EML4: variants seen among roughly 807,000 people sequenced by gnomAD.
EML4 encodes the protein echinoderm microtubule-associated protein-like 4.
Under a neutral mutation model 129.0 loss-of-function variants are expected in EML4, and 72 were observed. The ratio of observed to expected loss-of-function variants is 0.56; its 90% CI spans 0.46 to 0.68. The LOEUF (loss-of-function observed/expected upper bound fraction) is 0.68. Among genes scored for constraint, EML4 ranks in the 30% least tolerant of loss-of-function variants. EML4 has a pLI of 0.00. For missense variants in EML4, 1,363 were observed against 1,190.6 expected (o/e 1.14, Z -2.13); for synonymous variants, 532 against 405.0 (o/e 1.31, Z -3.77).
At chr2:42,320,968 A>T (rs1669485236) in intron 19 of EML4, among the ~76,000 whole-genome samples, 1 of 152,114 alleles carries the variant, frequency 6.6e-6, no homozygotes, top group African/African-American at 2.4e-5. Flanking sequence ...CATCAAAAAG[A>T]GGGGGAAAAA....
chr2:42,297,909 C>T (rs1360735312), intron 13 of EML4, among the ~76,000 whole-genome samples: 1 of 151,952 alleles, frequency 6.6e-6, no homozygotes, highest in African/African-American at 2.4e-5. Context: ...TTCTTGTTTC[C>T]AAACCATTTC....
intron 6 of EML4, among the ~76,000 whole-genome samples, chr2:42,272,589 G>A (rs1247821579): frequency 6.6e-6 from 1 of 152,100 alleles, no homozygotes; most frequent in Admixed American, 6.6e-5. Context: ...GGCCTGGACA[G>A]CACAGATTTC....
chr2:42,207,166 ACCT>A (rs979252195), intron 1 of EML4, among the ~76,000 whole-genome samples: 6 of 152,110 alleles, frequency 3.9e-5, no homozygotes, highest in African/African-American at 1.4e-4. Context: ...GATGTATAAC[ACCT>A]CCTCTATTTG....
At chr2:42,237,940 A>G (rs368524418) in intron 1 of EML4, among the ~76,000 whole-genome samples, 3 of 152,216 alleles carry the variant, frequency 2.0e-5, no homozygotes, top group Non-Finnish European at 2.9e-5. Flanking sequence ...TTGGTAGCAT[A>G]TAAGTTCAGA....
chr2:42,184,186 C>T (rs531895051), intron 1 of EML4, among the ~76,000 whole-genome samples: 23 of 152,174 alleles, frequency 1.5e-4, no homozygotes, highest in African/African-American at 5.3e-4. Flanking sequence ...TCTTACTTAA[C>T]CTGTATATGG....
chr2:42,269,163 C>T (rs114686095), intron 6 of EML4, among the ~76,000 whole-genome samples: 26 of 152,236 alleles, frequency 1.7e-4, no homozygotes, highest in South Asian at 1.5e-3. Flanking sequence ...CCAAAAATGG[C>T]TTCAGATTAA....
In EML4 at chr2:42,330,622, T is replaced by A; in HGVS notation, c.*415T>A. 2 of 219,598 alleles carry A rather than the reference T, an allele frequency of 9.1e-6. No homozygotes were observed. Among genetic ancestry groups the A allele is most frequent in the Non-Finnish European group, 1.8e-5 (2 of 108,206 alleles). The allele number at this position is 219,598 out of a possible 1,614,324, so 13.6% of individuals were successfully genotyped here. The stretch of plus-strand genomic sequence containing the variant: ...TCTACTGGCTCAGACTGTACTACTT[T>A]TTTTTTTTTTTTTCCTGAAAAAGAA... On this transcript the variant is annotated 3_prime_UTR_variant, in exon 23 of 23. Transcript: ENST00000318522.
At chr2:42,178,828 A>G (rs1670768079) in intron 1 of EML4, among the ~76,000 whole-genome samples, 1 of 152,196 alleles carries the variant, frequency 6.6e-6, no homozygotes, top group Non-Finnish European at 1.5e-5. Flanking sequence ...GGGGCTGAGC[A>G]CTTACACCTA....
rs565539115 is a variant in EML4 at position 42,295,026 on chromosome 2, A to T, written c.1219-99A>T. On this transcript the variant is annotated intron_variant, in intron 11 of 22. Coordinates refer to ENST00000318522, the MANE Select transcript of EML4 (RefSeq NM_019063.5). ...TTAGAAGAAGAGGCATTTTCTCAAA[A>T]TCTTGCCCTATCGTTAATTGTAAGT... is the stretch of plus-strand genomic sequence containing the variant. The T allele has an allele frequency of 5.0e-4, 548 of 1,097,854 alleles. 6 individuals are homozygous for T. In the South Asian group the frequency reaches 0.011, roughly 22 times the overall value. The allele number at this position is 1,097,854 out of a possible 1,614,324, so 68.0% of individuals were successfully genotyped here.
Position 42,288,281 on chromosome 2 carries a change from G to T in EML4, c.1177G>T (p.Val393Leu). Reference protein sequence around the residue: ...IDDSNEHMLTVWDWQKKAKGA... With the variant: ...IDDSNEHMLTLWDWQKKAKGA... ...TGACTCCAATGAGCATATGCTTACT[G>T]TATGGGACTGGCAGAAGAAAGCAAA... Residue 393 changes from valine to leucine, a missense_variant, in exon 11 of 23, where the codon GTA becomes TTA. Val to Leu is a conservative substitution (Grantham distance 32). Coordinates refer to ENST00000318522, the MANE Select transcript of EML4 (RefSeq NM_019063.5). The T allele has an allele frequency of 6.3e-7, 1 of 1,576,588 alleles. No homozygotes were observed. Among genetic ancestry groups the T allele is most frequent in the South Asian group, 1.1e-5 (1 of 88,818 alleles).
chr2:42,294,696 TAA>T, intron 11 of EML4, among the ~76,000 whole-genome samples: 1 of 143,514 alleles, frequency 7.0e-6, no homozygotes, highest in African/African-American at 2.5e-5. Context: ...GACTGTGTCT[TAA>T]AAAAAAAAAA....
At chr2:42,180,805 A>G (rs1670892300) in intron 1 of EML4, among the ~76,000 whole-genome samples, 1 of 152,242 alleles carries the variant, frequency 6.6e-6, no homozygotes, top group African/African-American at 2.4e-5. Flanking sequence ...TTTATAGCAA[A>G]AAGATCTAGT....
At chr2:42,235,943 C>A (rs1163989596) in intron 1 of EML4, among the ~76,000 whole-genome samples, 1 of 152,078 alleles carries the variant, frequency 6.6e-6, no homozygotes, top group Non-Finnish European at 1.5e-5. Flanking sequence ...GTTATCATAT[C>A]CCCCATCTAC....
intron 7 of EML4, among the ~76,000 whole-genome samples, chr2:42,282,493 A>C (rs1280716642): frequency 6.6e-6 from 1 of 152,054 alleles, no homozygotes; most frequent in African/African-American, 2.4e-5. Flanking sequence ...TCCTGGGCTC[A>C]AGTGATTCTC....
intron 9 of EML4, among the ~76,000 whole-genome samples, chr2:42,285,532 C>T (rs574748035): frequency 2.2e-4 from 34 of 151,750 alleles, no homozygotes; most frequent in African/African-American, 8.0e-4. Flanking sequence ...ATTAGTAATA[C>T]TAAAAGCAAA....
At chr2:42,263,907 T>G (rs375007059) in intron 5 of EML4, among the ~76,000 whole-genome samples, 118 of 151,740 alleles carry the variant, frequency 7.8e-4, no homozygotes, top group African/African-American at 2.6e-3. Context: ...TTTTTGTATT[T>G]TTGGTAGAGA....
chr2:42,315,090 TC>T (rs1481321952), intron 17 of EML4, among the ~76,000 whole-genome samples: 3 of 152,144 alleles, frequency 2.0e-5, no homozygotes, highest in Non-Finnish European at 4.4e-5. Context: ...TTGCTACTGT[TC>T]CCTCACACCT....
intron 21 of EML4, among the ~76,000 whole-genome samples, chr2:42,326,966 AC>A (rs1669842019): frequency 1.3e-5 from 2 of 152,178 alleles, no homozygotes; most frequent in South Asian, 4.2e-4. Flanking sequence ...CATTTTCATT[AC>A]CCCACAAAGA....
At chr2:42,286,553 C>G (rs1334267057) in intron 10 of EML4, among the ~76,000 whole-genome samples, 174 bp downstream of exon 10, 1 of 152,160 alleles carries the variant, frequency 6.6e-6, no homozygotes, top group African/African-American at 2.4e-5. Flanking sequence ...GACCTAAGTC[C>G]TAAAGTACTT....
Sources: allele counts gnomAD v4.1 joint callset (sites outside exome capture counted in the v4.1 genomes callset), GRCh38; gene constraint gnomAD v4.1.1; transcripts MANE v1.5; gene names NCBI Gene and HGNC (gene_info 2026-07-23, HGNC 2026-07-21).